FUT9: variants seen among roughly 807,000 people sequenced by gnomAD.
FUT9 encodes the protein 4-galactosyl-N-acetylglucosaminide 3-alpha-L-fucosyltransferase 9.
In FUT9, 15 loss-of-function variants were observed where a neutral mutation model predicts 29.7. The observed-to-expected ratio is 0.51, with a 90% CI of 0.34 to 0.78. FUT9 has a LOEUF of 0.78. FUT9 is among the 30% of genes least tolerant of loss of function. The pLI is 0.01. For synonymous variants in FUT9, 169 were observed against 153.7 expected (o/e 1.10, Z -0.74); for missense variants, 319 against 425.4 (o/e 0.75, Z 2.20).
At chr6:96,144,924 A>G (rs1380179899) in intron 2 of FUT9, among the ~76,000 whole-genome samples, 1 of 152,150 alleles carries the variant, frequency 6.6e-6, no homozygotes, top group Non-Finnish European at 1.5e-5. Flanking sequence ...CTATCCTCAA[A>G]CACAGATATG....
intron 2 of FUT9, among the ~76,000 whole-genome samples, chr6:96,141,050 C>A (rs1772452922): frequency 6.6e-6 from 1 of 151,972 alleles, no homozygotes; most frequent in East Asian, 1.9e-4. Flanking sequence ...CTAAATATAG[C>A]CAGACATGGG....
intron 2 of FUT9, among the ~76,000 whole-genome samples, chr6:96,181,105 G>T (rs1023733569): frequency 6.6e-6 from 1 of 152,008 alleles, no homozygotes; most frequent in South Asian, 2.1e-4. Flanking sequence ...AATTCTGTGA[G>T]TTGAAGTATA....
chr6:96,101,136 G>A (rs1771578825), intron 1 of FUT9, among the ~76,000 whole-genome samples: 1 of 152,146 alleles, frequency 6.6e-6, no homozygotes, highest in African/African-American at 2.4e-5. Context: ...AAATGCCTAA[G>A]TAATCTTTTT....
chr6:96,089,998 C>T (rs1034564330), intron 1 of FUT9, among the ~76,000 whole-genome samples: 1 of 152,040 alleles, frequency 6.6e-6, no homozygotes, highest in Non-Finnish European at 1.5e-5. Context: ...TATAGGAAGA[C>T]TTGACAAAAA....
At chr6:96,091,311 T>C (rs968549433) in intron 1 of FUT9, among the ~76,000 whole-genome samples, 1 of 152,002 alleles carries the variant, frequency 6.6e-6, no homozygotes, top group African/African-American at 2.4e-5. Context: ...CAAAATAAAT[T>C]AGAATATTAT....
chr6:96,101,625 C>T (rs1771587411), intron 1 of FUT9, among the ~76,000 whole-genome samples: 1 of 151,972 alleles, frequency 6.6e-6, no homozygotes, highest in Non-Finnish European at 1.5e-5. Flanking sequence ...AAGTTTCCTC[C>T]TTGAGGAGGC....
rs141163006 is a variant in FUT9, at chr6:96,043,487, C to T, written c.-98+27275C>T. 7.2e-5 allele frequency among the ~76,000 whole-genome samples: 11 copies of T among 152,260 alleles called. No homozygotes were observed. The East Asian group carries it at 1.2e-3, about 16-fold the overall frequency. ...GGTTGGTTGTGTTTGTTTTACTGCTCTTACTGGGAAAATGCCAATATTATT... is the reference window on the plus strand; with the variant it reads ...GGTTGGTTGTGTTTGTTTTACTGCTTTTACTGGGAAAATGCCAATATTATT... On this transcript the variant is annotated intron_variant, in intron 1 of 2. Transcript: ENST00000302103.
rs77771018 is a variant in FUT9, at chr6:96,042,258, C to G, written c.-98+26046C>G. On this transcript the variant is annotated intron_variant, in intron 1 of 2. Coordinates refer to ENST00000302103, the MANE Select transcript of FUT9 (RefSeq NM_006581.4). ...GGACATGGAGGCAAGTATCAGAAACCCTAACCTTAAATATAACTAAGGGAA... is the reference window on the plus strand; with the variant it reads ...GGACATGGAGGCAAGTATCAGAAACGCTAACCTTAAATATAACTAAGGGAA... Among the ~76,000 whole-genome samples the G allele has an allele frequency of 1.5e-3, 233 of 152,226 alleles. 5 individuals carry two copies. The East Asian group carries it at 0.043, about 28-fold the overall frequency.
chr6:96,043,752 C>G (rs1770510479), intron 1 of FUT9, among the ~76,000 whole-genome samples: 1 of 152,134 alleles, frequency 6.6e-6, no homozygotes, highest in Non-Finnish European at 1.5e-5. Flanking sequence ...TCTCGAAGGA[C>G]GTAAGTCAGA....
At chr6:96,032,040 T>C (rs1279673082) in intron 1 of FUT9, among the ~76,000 whole-genome samples, 1 of 151,652 alleles carries the variant, frequency 6.6e-6, no homozygotes, top group Non-Finnish European at 1.5e-5. Context: ...TATTCTCACC[T>C]TTTGCAGAAC....
chr6:96,212,007 C>A lies in FUT9; in HGVS notation c.*7772C>A, dbSNP rs968918740. ...GATTTTATCTGAAAAATTTTAAGGG[C>A]CAATTCTACAGAAAGTTATGCTAAC... is the stretch of plus-strand genomic sequence containing the variant. On this transcript the variant is annotated 3_prime_UTR_variant, in exon 3 of 3. Coordinates refer to ENST00000302103, the MANE Select transcript of FUT9 (RefSeq NM_006581.4). 64 of 411,230 alleles carry A rather than the reference C, an allele frequency of 1.6e-4. No homozygotes were observed. The highest frequency in any genetic ancestry group is 1.2e-3 in the African/African-American group (57 of 48,650). The allele number at this position is 411,230 out of a possible 1,614,324, so 25.5% of individuals were successfully genotyped here.
intron 1 of FUT9, among the ~76,000 whole-genome samples, chr6:96,025,655 G>C (rs1052157819): frequency 6.6e-6 from 1 of 151,674 alleles, no homozygotes; most frequent in African/African-American, 2.4e-5. Context: ...TGATGTGGTG[G>C]TGGTTCATGG....
chr6:96,125,058 T>C (rs530615130), intron 2 of FUT9, among the ~76,000 whole-genome samples: 1 of 152,182 alleles, frequency 6.6e-6, no homozygotes, highest in African/African-American at 2.4e-5. Context: ...TGATGTAATC[T>C]TACATGAGTA....
chr6:96,069,882 C>T (rs1260931621), intron 1 of FUT9, among the ~76,000 whole-genome samples: 4 of 152,012 alleles, frequency 2.6e-5, no homozygotes, highest in East Asian at 3.9e-4. Context: ...TTACCCTCCT[C>T]GGCCTCTCAA....
intron 1 of FUT9, among the ~76,000 whole-genome samples, chr6:96,074,143 A>C (rs936569044): frequency 1.4e-4 from 22 of 152,294 alleles, no homozygotes; most frequent in African/African-American, 5.3e-4. Flanking sequence ...TTGGTTTTTA[A>C]CATAAAATTT....
rs113617964 is a variant in FUT9, at chr6:96,188,039, T to C, written c.-8-15109T>C. Among the ~76,000 whole-genome samples the C allele has an allele frequency of 1.9e-3, 288 of 152,258 alleles. 2 individuals are homozygous for C. The highest frequency in any genetic ancestry group is 6.6e-3 in the African/African-American group (275 of 41,562). ...ACAAATCTAGATTCCTTCACTGTTC[T>C]GATTCACCTTTCTACACTCTCCTGA... On this transcript the variant is annotated intron_variant, in intron 2 of 2. Coordinates refer to ENST00000302103, the MANE Select transcript of FUT9 (RefSeq NM_006581.4).
chr6:96,045,764 G>T lies in FUT9; in HGVS notation c.-98+29552G>T, dbSNP rs992676615. On this transcript the variant is annotated intron_variant, in intron 1 of 2. Transcript: ENST00000302103. ...CCAAGCTTTGTGGCCTGGTCACCCT[G>T]GGGAAGTTATCACCATGCTGCAAGA... Among the ~76,000 whole-genome samples, 14 of 152,276 alleles carry T rather than the reference G, an allele frequency of 9.2e-5. 1 individual carries two copies. Among genetic ancestry groups the T allele is most frequent in the Admixed American group, 5.2e-4 (8 of 15,296 alleles).
At chr6:96,088,563 T>C (rs1247574418) in intron 1 of FUT9, among the ~76,000 whole-genome samples, 3 of 112,838 alleles carry the variant, frequency 2.7e-5, no homozygotes, top group Admixed American at 1.9e-4. Context: ...TGTGTGTGTG[T>C]GTGTGCGTGC....
Position 96,064,956 on chromosome 6 carries a change from A to T in FUT9, c.-98+48744A>T, listed in dbSNP as rs112279321. Among the ~76,000 whole-genome samples the T allele has an allele frequency of 2.8e-3, 429 of 152,326 alleles. 4 individuals are homozygous for T. Among genetic ancestry groups the T allele is most frequent in the Non-Finnish European group, 5.0e-3 (340 of 68,030 alleles). Reference sequence around the variant, plus strand: ...AGTACATCTCAAAATATGTTCTTAGATTGCTACAACACAATACTCTAAACA... The same window carrying T: ...AGTACATCTCAAAATATGTTCTTAGTTTGCTACAACACAATACTCTAAACA... On this transcript the variant is annotated intron_variant, in intron 1 of 2. Transcript: ENST00000302103.
Sources: gnomAD v4.1 joint callset for allele counts (sites outside exome capture counted in the v4.1 genomes callset) on GRCh38, gnomAD v4.1.1 for gene constraint, MANE v1.5 for transcripts, NCBI Gene and HGNC (gene_info 2026-07-23, HGNC 2026-07-21) for gene names.